The following CLBA1 variants were observed in gnomAD, a reference collection of about 807,000 sequenced individuals.
CLBA1 encodes the protein clathrin binding box of aftiphilin containing 1.
In CLBA1, 30 loss-of-function variants were observed where a neutral mutation model predicts 28.8. The observed-to-expected ratio is 1.04, with a 90% CI of 0.78 to 1.41. The LOEUF (loss-of-function observed/expected upper bound fraction) is 1.41, where lower values mean the gene tolerates loss of function less well. CLBA1 is among the 40% of genes most tolerant of loss of function. The pLI, the probability that CLBA1 is intolerant of heterozygous loss-of-function variation, is 0.00. For synonymous variants in CLBA1, 160 were observed against 152.8 expected, an observed-to-expected ratio of 1.05 and a Z score of -0.35; for missense variants, 451 against 412.3, an observed-to-expected ratio of 1.09 and a Z score of -0.81.
rs1900076377 is a variant in CLBA1, at chr14:104,992,951, C to T, written c.703C>T (p.Leu235Phe). 1.2e-6 allele frequency: 2 copies of T among 1,613,130 alleles called. No individual in the cohort carries two copies. The highest frequency in any genetic ancestry group is 1.7e-5 in the Admixed American group (1 of 59,994). The change falls in exon 4 of 5, where the codon CTT becomes TTT. Residue 235 changes from leucine (L) to phenylalanine (F), a missense_variant. Physicochemically the swap from Leu to Phe is conservative, Grantham distance 22. Transcript: ENST00000547315. Reference protein sequence around the residue: ...VLGIDAAQKNLSGGQGHIMED... With the variant: ...VLGIDAAQKNFSGGQGHIMED... ...CTGATGGGGTCTGTCTCCTTAGAAC[C>T]TTTCTGGAGGCCAGGGCCACATCAT...
chr14:104,990,410 C>G (rs893224538), intron 2 of CLBA1: 7 of 152,240 alleles, frequency 4.6e-5, no homozygotes, highest in African/African-American at 1.7e-4. Context: ...AGCGATCTTC[C>G]TGCCTCAGCC....
At chr14:104,992,245 A>ACGC (rs1900055441) in intron 3 of CLBA1, among the ~76,000 whole-genome samples, 2 of 150,924 alleles carry the variant, frequency 1.3e-5, no homozygotes, top group African/African-American at 4.9e-5. Flanking sequence ...CACCAAGCAC[A>ACGC]CACACCACAC....
At chr14:104,992,414 CAT>C (rs1438670427) in intron 3 of CLBA1, among the ~76,000 whole-genome samples, 1 of 152,234 alleles carries the variant, frequency 6.6e-6, no homozygotes, top group Non-Finnish European at 1.5e-5. Flanking sequence ...AATTTTCAAA[CAT>C]GGAAAACTCA....
chr14:104,986,543 T>G lies in CLBA1; in HGVS notation c.112T>G (p.Trp38Gly). The G allele has an allele frequency of 6.2e-7, 1 of 1,613,950 alleles. No homozygotes were observed. Among genetic ancestry groups the G allele is most frequent in the Non-Finnish European group, 8.5e-7 (1 of 1,180,012 alleles). The change falls in exon 1 of 5, where the codon TGG becomes GGG. Residue 38 changes from tryptophan to glycine, a missense_variant. Trp to Gly is a radical substitution (Grantham distance 184). Coordinates refer to ENST00000547315, the MANE Select transcript of CLBA1 (RefSeq NM_174891.4). ...PERLSDDSLEWRRTCPDLLLS... is the reference protein window; with the variant it reads ...PERLSDDSLEGRRTCPDLLLS... ...GAGGCTGAGTGATGACAGTTTGGAA[T>G]GGAGACGGACCTGCCCCGACCTTCT...
At chr14:104,992,201 A>T (rs1315108945) in intron 3 of CLBA1, among the ~76,000 whole-genome samples, 1 of 141,630 alleles carries the variant, frequency 7.1e-6, no homozygotes, top group Non-Finnish European at 1.5e-5. Flanking sequence ...GCCACCACTC[A>T]CACGCCACCA....
Position 104,995,318 on chromosome 14 carries a change from C to T in CLBA1, c.*559C>T, listed in dbSNP as rs965813876. 1.0e-6 allele frequency: 1 copy of T among 985,538 alleles called. No individual in the cohort carries two copies. The highest frequency in any genetic ancestry group is 1.7e-5 in the African/African-American group (1 of 57,350). 61.0% of individuals were successfully genotyped at this position (985,538 alleles called of 1,614,324 possible). ...GTGCCCTCACTTACTGCCTGGGCCC[C>T]TGCCCAGCAGCCTCAAGGACAGGCC... On this transcript the variant is annotated 3_prime_UTR_variant, in exon 5 of 5. Coordinates refer to ENST00000547315, the MANE Select transcript of CLBA1 (RefSeq NM_174891.4).
chr14:104,993,791 C>T (rs940928204), intron 4 of CLBA1: 5 of 985,318 alleles, frequency 5.1e-6, no homozygotes, highest in Non-Finnish European at 6.0e-6. Context: ...TCATTGTGTA[C>T]ACCCAGGAGA....
At chr14:104,994,001 C>T (rs1029045072) in intron 4 of CLBA1, 6 of 985,158 alleles carry the variant, frequency 6.1e-6, no homozygotes, top group Non-Finnish European at 7.2e-6. Flanking sequence ...GCACTGCCCC[C>T]AGCTGACATG....
chr14:104,999,504 G>A (rs6576065), downstream of CLBA1: 119,629 of 152,494 alleles, frequency 0.78, 47,118 homozygotes, highest in Middle Eastern at 0.88. Context: ...CCTGGGAGGA[G>A]GGAAGCCTTC....
intron 1 of CLBA1, among the ~76,000 whole-genome samples, chr14:104,987,997 G>A (rs1475769814): frequency 2.0e-5 from 3 of 152,092 alleles, no homozygotes; most frequent in African/African-American, 7.2e-5. Context: ...AATAGAGTAA[G>A]GTCTGCTGTA....
chr14:104,986,920 C>A, intron 1 of CLBA1, 66 bp downstream of exon 1: 1 of 1,543,002 alleles, frequency 6.5e-7, no homozygotes, highest in Non-Finnish European at 8.8e-7. Context: ...GCCTACAGCC[C>A]TCGAATGCTG....
intron 1 of CLBA1, among the ~76,000 whole-genome samples, chr14:104,987,559 A>G (rs1899896703): frequency 6.6e-6 from 1 of 151,422 alleles, no homozygotes; most frequent in African/African-American, 2.4e-5. Flanking sequence ...GAGGAAGGAA[A>G]TAAAGATATT....
In CLBA1 at chr14:104,986,574, C is replaced by G. The variant is rs752092491; in HGVS notation, c.143C>G (p.Ser48Cys). 26 of 1,614,086 alleles carry G rather than the reference C, an allele frequency of 1.6e-5. No individual in the cohort carries two copies. The highest frequency in any genetic ancestry group is 1.9e-5 in the Non-Finnish European group (23 of 1,180,030). The change falls in exon 1 of 5, where the codon TCC (serine) becomes TGC (cysteine). Residue 48 changes from serine (S) to cysteine (C), a missense_variant. By Grantham distance (112) the Ser-to-Cys change is moderately radical. Transcript: ENST00000547315. ...CGGACCTGCCCCGACCTTCTCCTGTCCGATGGGAAAGCCAGCATCTCCATG... is the reference window on the plus strand; with the variant it reads ...CGGACCTGCCCCGACCTTCTCCTGTGCGATGGGAAAGCCAGCATCTCCATG... ...WRRTCPDLLL[S>C]DGKASISMPR...
downstream of CLBA1, among the ~76,000 whole-genome samples, chr14:104,997,207 GC>G (rs1459032973): frequency 2.4e-4 from 36 of 152,158 alleles, no homozygotes; most frequent in African/African-American, 8.7e-4. Context: ...GAATGAAGAT[GC>G]TGCAAATGAA....
intron 4 of CLBA1, chr14:104,994,226 T>A (rs1447015304): frequency 5.1e-6 from 5 of 985,334 alleles, no homozygotes; most frequent in Admixed American, 1.2e-4. Context: ...CCGCAGCTGT[T>A]TGGGGGAAGT....
chr14:104,994,788 G>A lies in CLBA1; in HGVS notation c.*29G>A, dbSNP rs1345716960. 3 of 1,572,610 alleles carry A rather than the reference G, an allele frequency of 1.9e-6. No individual in the cohort carries two copies. The highest frequency in any genetic ancestry group is 1.9e-5 in the Admixed American group (1 of 53,198). On this transcript the variant is annotated 3_prime_UTR_variant, in exon 5 of 5. Coordinates refer to ENST00000547315, the MANE Select transcript of CLBA1 (RefSeq NM_174891.4). ...CAGGAGGACTTTGTACCTTTATGAG[G>A]AATTTTTCATTTTCTTCCTGGCTGG... is the stretch of plus-strand genomic sequence containing the variant.
At chr14:104,991,968 CCACA>C (rs757883679) in intron 3 of CLBA1, among the ~76,000 whole-genome samples, 1 of 151,532 alleles carries the variant, frequency 6.6e-6, no homozygotes, top group South Asian at 2.1e-4. Flanking sequence ...GCACACGCCG[CCACA>C]CACACGCCTC....
rs1900021143 is a variant in CLBA1 at position 104,991,545 on chromosome 14, T to C, written c.624T>C (p.Thr208=). 6.2e-7 allele frequency: 1 copy of C among 1,613,944 alleles called. No homozygotes were observed. The highest frequency in any genetic ancestry group is 1.7e-5 in the Admixed American group (1 of 59,996). Residue 208 remains threonine (T), a synonymous_variant, in exon 3 of 5, where the codon ACT becomes ACC. Coordinates refer to ENST00000547315, the MANE Select transcript of CLBA1 (RefSeq NM_174891.4). Reference sequence around the variant, plus strand: ...TTCAGAGCATACACACCACGTCTACTTCTCAGCGCCTCTGGAGCGAGTCCC... The same window carrying C: ...TTCAGAGCATACACACCACGTCTACCTCTCAGCGCCTCTGGAGCGAGTCCC... The part of the protein sequence containing the change: ...RALQSIHTTS[T]SQRLWSESRC...
Position 104,994,588 on chromosome 14 carries a change from C to G in CLBA1, c.817-10C>G. The G allele has an allele frequency of 6.2e-7, 1 of 1,601,556 alleles. No individual in the cohort carries two copies. Among genetic ancestry groups the G allele is most frequent in the South Asian group, 1.1e-5 (1 of 90,650 alleles). Reference sequence around the variant, plus strand: ...GGTGCGCGCGCCTGACTGCTGTCCTCTCATCTCAGCTCTCGGGGCCGCCTG... The same window carrying G: ...GGTGCGCGCGCCTGACTGCTGTCCTGTCATCTCAGCTCTCGGGGCCGCCTG... On this transcript the variant is annotated splice_polypyrimidine_tract_variant and intron_variant, in intron 4 of 4. Transcript: ENST00000547315.
Sources: allele counts gnomAD v4.1 joint callset (sites outside exome capture counted in the v4.1 genomes callset), GRCh38; gene constraint gnomAD v4.1.1; transcripts MANE v1.5; gene names NCBI Gene and HGNC (gene_info 2026-07-23, HGNC 2026-07-21).